LOXL2: variants seen among roughly 807,000 people sequenced by gnomAD.
The protein encoded by LOXL2 is lysyl oxidase like 2.
A neutral mutation model predicts 93.0 loss-of-function variants in LOXL2; 70 were observed. The observed-to-expected ratio is 0.75, with a 90% CI of 0.62 to 0.92. The LOEUF is 0.92. Among genes scored for constraint, LOXL2 ranks in the 40% least tolerant of loss-of-function variants. LOXL2 has a pLI of 0.00. For missense variants in LOXL2, 973 were observed against 1,054.9 expected, an observed-to-expected ratio of 0.92 and a Z score of 1.08; for synonymous variants, 438 against 413.2, an observed-to-expected ratio of 1.06 and a Z score of -0.73.
chr8:23,384,542 GA>G (rs1804728765), intron 1 of LOXL2, among the ~76,000 whole-genome samples: 1 of 152,178 alleles, frequency 6.6e-6, no homozygotes. Flanking sequence ...GAGGCTCGAG[GA>G]GTTGGACAGA....
chr8:23,368,926 A>G (rs76403289), intron 1 of LOXL2, among the ~76,000 whole-genome samples: 5,328 of 152,106 alleles, frequency 0.035, 188 homozygotes, highest in East Asian at 0.11. Flanking sequence ...GGGAGGGAGA[A>G]TAAATACCTG....
At chr8:23,403,647 G>A (rs1800180008) in intron 1 of LOXL2, among the ~76,000 whole-genome samples, 1 of 152,076 alleles carries the variant, frequency 6.6e-6, no homozygotes, top group Non-Finnish European at 1.5e-5. Flanking sequence ...AGACTTGACG[G>A]GCTCTGTCCC....
chr8:23,386,077 A>G (rs758012269), intron 1 of LOXL2: 7 of 764,906 alleles, frequency 9.2e-6, no homozygotes, highest in Admixed American at 1.7e-5. Context: ...GAAAGGCTAC[A>G]TGATTTTCCT....
chr8:23,301,236 G>A (rs1248107584), intron 12 of LOXL2, among the ~76,000 whole-genome samples: 2 of 152,196 alleles, frequency 1.3e-5, no homozygotes, highest in Admixed American at 6.5e-5. Flanking sequence ...AGAGTGAGAG[G>A]GTGAGATAAA....
intron 8 of LOXL2, among the ~76,000 whole-genome samples, chr8:23,318,116 C>T (rs73543996): frequency 0.025 from 3,782 of 151,648 alleles, 67 homozygotes; most frequent in African/African-American, 0.046. Flanking sequence ...TTGAGTAAGG[C>T]AGATTACCCT....
At chr8:23,386,925 A>T (rs1254905250) in intron 1 of LOXL2, among the ~76,000 whole-genome samples, 3 of 152,186 alleles carry the variant, frequency 2.0e-5, no homozygotes. Context: ...CTGGGATTGC[A>T]GGCATAAGTC....
At chr8:23,372,977 CATATTAAG>C (rs1364634863) in intron 1 of LOXL2, among the ~76,000 whole-genome samples, 17 of 152,246 alleles carry the variant, frequency 1.1e-4, no homozygotes, top group African/African-American at 3.9e-4. Flanking sequence ...ATGATACAAA[CATATTAAG>C]ATATTAAGAT....
Position 23,341,084 on chromosome 8 carries a change from G to C in LOXL2, c.651C>G (p.Ile217Met), listed in dbSNP as rs373284696. Reference protein sequence around the residue: ...EVKEGKTWKQICDKHWTAKNS... With the variant: ...EVKEGKTWKQMCDKHWTAKNS... The stretch of plus-strand genomic sequence containing the variant: ...TCTTGGCCGTCCAGTGCTTGTCACA[G>C]ATCTGCTTCCAGGTCTTGCCCTCCT... The change falls in exon 4 of 14, where the codon ATC (isoleucine) becomes ATG (methionine). Residue 217 changes from isoleucine to methionine, a missense_variant. Physicochemically the swap from Ile to Met is conservative, Grantham distance 10. Coordinates refer to ENST00000389131, the MANE Select transcript of LOXL2 (RefSeq NM_002318.3). The C allele has an allele frequency of 3.7e-6, 6 of 1,614,002 alleles. No individual in the cohort carries two copies. In the African/African-American group the frequency reaches 6.7e-5, roughly 18 times the overall value.
chr8:23,360,283 G>A lies in LOXL2; in HGVS notation c.356-18C>T, dbSNP rs757631467. The A allele has an allele frequency of 1.8e-5, 29 of 1,579,856 alleles. No homozygotes were observed. The highest frequency in any genetic ancestry group is 1.7e-4 in the Middle Eastern group (1 of 5,866). The stretch of plus-strand genomic sequence containing the variant: ...GATGGGCCCTGAAGGAGGCAGAGAG[G>A]AGAGAAACCAAGTGCTGCGTCAATG... On this transcript the variant is annotated intron_variant, in intron 2 of 13. Coordinates refer to ENST00000389131, the MANE Select transcript of LOXL2 (RefSeq NM_002318.3).
intron 11 of LOXL2, 93 bp from the exon 12 acceptor site, chr8:23,302,256 A>G: frequency 6.5e-7 from 1 of 1,527,886 alleles, no homozygotes; most frequent in Non-Finnish European, 9.0e-7. Context: ...CCGCTGCTTC[A>G]TCTGGGCTCG....
At chr8:23,384,503 A>T (rs1469914294) in intron 1 of LOXL2, among the ~76,000 whole-genome samples, 15 of 152,224 alleles carry the variant, frequency 9.9e-5, no homozygotes. Context: ...CACTCAGCTT[A>T]CTTCCAACAG....
At chr8:23,341,886 G>C (rs1320104204) in intron 3 of LOXL2, among the ~76,000 whole-genome samples, 1 of 152,204 alleles carries the variant, frequency 6.6e-6, no homozygotes, top group South Asian at 2.1e-4. Flanking sequence ...AGGGAGGTAG[G>C]GTTGGGGACA....
chr8:23,360,316 G>A (rs747604383), intron 2 of LOXL2, 51 bp from the exon 3 acceptor site: 3 of 1,419,978 alleles, frequency 2.1e-6, no homozygotes, highest in South Asian at 1.3e-5. Flanking sequence ...ATGCAGGTCT[G>A]AGTCTTTGCG....
At chr8:23,354,320 G>A (rs561012038) in intron 3 of LOXL2, among the ~76,000 whole-genome samples, 5 of 152,304 alleles carry the variant, frequency 3.3e-5, no homozygotes, top group East Asian at 1.9e-4. Context: ...GAAGGGACGC[G>A]GGTGCCCTCA....
At chr8:23,379,967 C>A (rs1345969232) in intron 1 of LOXL2, among the ~76,000 whole-genome samples, 8 of 126,958 alleles carry the variant, frequency 6.3e-5, no homozygotes, top group African/African-American at 2.5e-4. Flanking sequence ...GTCCTACGAG[C>A]CCCAGTGAGA....
intron 1 of LOXL2, among the ~76,000 whole-genome samples, chr8:23,388,923 C>G (rs1204887602): frequency 6.6e-6 from 1 of 152,080 alleles, no homozygotes; most frequent in East Asian, 1.9e-4. Flanking sequence ...GGTTCAGAAC[C>G]TTGAACTTAC....
intron 3 of LOXL2, among the ~76,000 whole-genome samples, chr8:23,346,116 T>TAAAAAA (rs1563197384): frequency 2.5e-4 from 6 of 23,792 alleles, no homozygotes; most frequent in Non-Finnish European, 4.8e-4. Flanking sequence ...TAAAATAAAA[T>TAAAAAA]TAAAATAAAA....
intron 3 of LOXL2, among the ~76,000 whole-genome samples, chr8:23,355,817 C>A (rs1050664506): frequency 6.6e-6 from 1 of 151,836 alleles, no homozygotes; most frequent in African/African-American, 2.4e-5. Flanking sequence ...CCATATTGCC[C>A]AGGCTGGTCT....
At chr8:23,317,219 C>T in intron 8 of LOXL2, 105 bp from the exon 9 acceptor site, 1 of 1,316,080 alleles carries the variant, frequency 7.6e-7, no homozygotes, top group Non-Finnish European at 1.1e-6. Context: ...TTTCATGATC[C>T]CATTTTTCAG....
Sources: allele counts gnomAD v4.1 joint callset (sites outside exome capture counted in the v4.1 genomes callset), GRCh38; gene constraint gnomAD v4.1.1; transcripts MANE v1.5; gene names NCBI Gene and HGNC (gene_info 2026-07-23, HGNC 2026-07-21).